The following DDX27 variants were observed in gnomAD, a reference collection of about 807,000 sequenced individuals.
DDX27 encodes DEAD-box helicase 27, also known as probable ATP-dependent RNA helicase DDX27.
DDX27 carries 42 observed loss-of-function variants against 99.3 expected under a neutral mutation model. The observed-to-expected ratio is 0.42, with a 90% CI of 0.33 to 0.55. The LOEUF is 0.55. DDX27 is among the 20% of genes least tolerant of loss of function. The pLI, the probability that DDX27 is intolerant of heterozygous loss-of-function variation, is 0.07. For missense variants in DDX27, 798 were observed against 976.8 expected, an observed-to-expected ratio of 0.82 and a Z score of 2.44; for synonymous variants, 329 against 353.8, an observed-to-expected ratio of 0.93 and a Z score of 0.79.
In DDX27 at chr20:49,243,907, C is replaced by G. The variant is rs1980564787; in HGVS notation, c.*73C>G. 3 of 1,558,732 alleles carry G rather than the reference C, an allele frequency of 1.9e-6. No homozygotes were observed. The highest frequency in any genetic ancestry group is 2.6e-6 in the Non-Finnish European group (3 of 1,137,422). On this transcript the variant is annotated 3_prime_UTR_variant, in exon 21 of 21. Coordinates refer to ENST00000618172, the MANE Select transcript of DDX27 (RefSeq NM_017895.8). ...CCTGTGGGAAGTCATCCTGGCTGGTCTGTCTTTTCTCCATTTGTTTAAAAA... is the reference window on the plus strand; with the variant it reads ...CCTGTGGGAAGTCATCCTGGCTGGTGTGTCTTTTCTCCATTTGTTTAAAAA...
intron 7 of DDX27, among the ~76,000 whole-genome samples, chr20:49,228,045 T>G (rs1979963980): frequency 6.6e-6 from 1 of 151,796 alleles, no homozygotes; most frequent in African/African-American, 2.4e-5. Context: ...TTTACTATCT[T>G]GGCCAGGCTG....
intron 16 of DDX27, among the ~76,000 whole-genome samples, chr20:49,239,991 TA>T (rs1321502631): frequency 6.6e-6 from 1 of 152,220 alleles, no homozygotes; most frequent in Non-Finnish European, 1.5e-5. Context: ...TGATTTCACT[TA>T]CCTGAGATAT....
chr20:49,220,820 T>G (rs1002248931), intron 1 of DDX27, among the ~76,000 whole-genome samples: 4 of 152,052 alleles, frequency 2.6e-5, no homozygotes, highest in Admixed American at 2.6e-4. Context: ...TGATTCAAAT[T>G]GCTAAAAACA....
intron 19 of DDX27, among the ~76,000 whole-genome samples, chr20:49,243,377 G>A (rs536460024): frequency 6.6e-6 from 1 of 152,330 alleles, no homozygotes; most frequent in South Asian, 2.1e-4. Context: ...GGTTGGGGCA[G>A]GGGCAGACTA....
intron 8 of DDX27, 78 bp from the exon 9 acceptor site, chr20:49,230,121 C>A (rs1600969578): frequency 2.0e-6 from 3 of 1,501,104 alleles, no homozygotes; most frequent in Non-Finnish European, 2.7e-6. Context: ...GGCCTGAGGC[C>A]TGGTGAGTGG....
intron 6 of DDX27, among the ~76,000 whole-genome samples, chr20:49,225,788 CCCT>C (rs1406614331): frequency 1.3e-5 from 2 of 152,166 alleles, no homozygotes; most frequent in East Asian, 3.9e-4. Flanking sequence ...TCCATCGTGT[CCCT>C]CCTCTTCTTC....
rs773717241 is a variant in DDX27 at position 49,223,439 on chromosome 20, C to T, written c.466+6C>T. 1.0e-5 allele frequency: 16 copies of T among 1,603,992 alleles called. No homozygotes were observed. Among genetic ancestry groups the T allele is most frequent in the Middle Eastern group, 1.7e-4 (1 of 6,002 alleles). On this transcript the variant is annotated splice_donor_region_variant and intron_variant, in intron 4 of 20. Transcript: ENST00000618172. ...GAACATCCTCACCAAAGCAGGTAGA[C>T]GTTACGGCGGAGGTGTCAGTAATGG...
intron 9 of DDX27, among the ~76,000 whole-genome samples, chr20:49,231,959 A>G (rs1438277866): frequency 6.7e-6 from 1 of 148,786 alleles, no homozygotes; most frequent in Admixed American, 6.8e-5. Flanking sequence ...ACACCAGCTC[A>G]TTGCAGCCTC....
chr20:49,242,523 C>T, intron 18 of DDX27, 71 bp from the exon 19 acceptor site: 3 of 1,452,392 alleles, frequency 2.1e-6, no homozygotes, highest in Non-Finnish European at 1.9e-6. Flanking sequence ...GGAATCATTA[C>T]CTTGAACTTA....
chr20:49,243,819 C>A lies in DDX27; in HGVS notation c.2283C>A (p.Tyr761Ter). The A allele has an allele frequency of 6.2e-7, 1 of 1,614,130 alleles. No individual in the cohort carries two copies. The highest frequency in any genetic ancestry group is 8.5e-7 in the Non-Finnish European group (1 of 1,180,018). Residue 761 changes from tyrosine (Y) to a stop codon, truncating the protein, a stop_gained, in exon 21 of 21, where the codon TAC (tyrosine) becomes TAA (stop). Coordinates refer to ENST00000618172, the MANE Select transcript of DDX27 (RefSeq NM_017895.8). LOFTEE classifies it high-confidence loss of function. ...CTTAACTCTGATTTTCTTACAGATACAAGAGGAGGAAGTAGCTGTCGTGGC... is the reference window on the plus strand; with the variant it reads ...CTTAACTCTGATTTTCTTACAGATAAAAGAGGAGGAAGTAGCTGTCGTGGC... Reference protein sequence around the residue: ...RGGNFKSKSRYKRRK With the variant: ...RGGNFKSKSR
chr20:49,228,379 G>T (rs1157304853), intron 7 of DDX27, among the ~76,000 whole-genome samples: 2 of 151,364 alleles, frequency 1.3e-5, no homozygotes, highest in Admixed American at 6.6e-5. Context: ...CAGGTGATTC[G>T]CCTGCCTTGG....
At chr20:49,238,656 C>A in intron 14 of DDX27, 1 of 359,304 alleles carries the variant, frequency 2.8e-6, no homozygotes, top group Non-Finnish European at 5.1e-6. Context: ...TTAATAGAGA[C>A]GGGGTTTCAC....
At chr20:49,224,915 C>T (rs770769080) in intron 4 of DDX27, 30 bp from the exon 5 acceptor site, 12 of 1,613,220 alleles carry the variant, frequency 7.4e-6, no homozygotes, top group East Asian at 4.5e-5. Flanking sequence ...AAGTCTGAGC[C>T]GTGGTCATCA....
At chr20:49,230,651 G>A (rs1236891531) in intron 9 of DDX27, among the ~76,000 whole-genome samples, 4 of 152,232 alleles carry the variant, frequency 2.6e-5, no homozygotes, top group African/African-American at 9.6e-5. Context: ...TTGTAAATGG[G>A]AGATAAGGAC....
At chr20:49,230,038 C>T (rs376971173) in intron 8 of DDX27, among the ~76,000 whole-genome samples, 161 bp from the exon 9 acceptor site, 1 of 152,170 alleles carries the variant, frequency 6.6e-6, no homozygotes, top group African/African-American at 2.4e-5. Context: ...CTGTCTTTCC[C>T]AGTGCGTTTC....
intron 9 of DDX27, 82 bp downstream of exon 9, chr20:49,230,431 T>C (rs1193138731): frequency 3.4e-6 from 5 of 1,489,248 alleles, no homozygotes; most frequent in Non-Finnish European, 4.5e-6. Context: ...CACTGCGTTA[T>C]TCTTTGTGGC....
In DDX27 at chr20:49,236,543, G is replaced by T. The variant is rs757487887; in HGVS notation, c.1687+33G>T. ...GGCACCCCTGTGGCAGTGCAGAATG[G>T]CTCGGTGGGCGGGGCAAGGACAGAG... On this transcript the variant is annotated intron_variant, in intron 14 of 20. Coordinates refer to ENST00000618172, the MANE Select transcript of DDX27 (RefSeq NM_017895.8). The surrounding 1 kb of genome is among the most constrained non-coding windows in gnomAD (Gnocchi z 4.1). 4 of 1,519,060 alleles carry T rather than the reference G, an allele frequency of 2.6e-6. No individual in the cohort carries two copies. The Admixed American group carries it at 8.7e-5, about 33-fold the overall frequency. The allele number at this position is 1,519,060 out of a possible 1,614,324, so 94.1% of individuals were successfully genotyped here.
In DDX27 at chr20:49,219,566, G is replaced by A. The variant is rs372711843; in HGVS notation, c.93+25G>A. ...GGTATGAGCACGGTTCTGGTCTTTGGGTTTCCTTGACTGCTTCCCTTCCTC... is the reference window on the plus strand; with the variant it reads ...GGTATGAGCACGGTTCTGGTCTTTGAGTTTCCTTGACTGCTTCCCTTCCTC... On this transcript the variant is annotated intron_variant, in intron 1 of 20. Transcript: ENST00000618172. The A allele has an allele frequency of 6.3e-6, 10 of 1,579,388 alleles. No homozygotes were observed. In the East Asian group the frequency reaches 1.9e-4, roughly 30 times the overall value.
At chr20:49,228,550 T>C (rs1051656284) in intron 7 of DDX27, among the ~76,000 whole-genome samples, 165 bp from the exon 8 acceptor site, 7 of 152,188 alleles carry the variant, frequency 4.6e-5, no homozygotes, top group Non-Finnish European at 8.8e-5. Flanking sequence ...TGGGATTACA[T>C]ATGTGAGCCT....
Sources: allele counts gnomAD v4.1 joint callset (sites outside exome capture counted in the v4.1 genomes callset), GRCh38; gene constraint gnomAD v4.1.1; non-coding constraint Gnocchi (gnomAD v3.1); transcripts MANE v1.5; gene names NCBI Gene and HGNC (gene_info 2026-07-23, HGNC 2026-07-21).